STPG1: variants seen among roughly 807,000 people sequenced by gnomAD.
The protein encoded by STPG1 is O(6)-methylguanine-induced apoptosis 2.
A neutral mutation model predicts 40.1 loss-of-function variants in STPG1; 33 were observed. That is an observed-to-expected ratio of 0.82 (90% CI 0.62 to 1.10). The LOEUF (loss-of-function observed/expected upper bound fraction) is 1.10, where lower values mean the gene tolerates loss of function less well. Ranked by LOEUF, STPG1 falls within the 50% of genes least tolerant of loss-of-function variation. STPG1 has a pLI of 0.00. For missense variants in STPG1, 396 were observed against 415.1 expected (o/e 0.95, Z 0.40); for synonymous variants, 150 against 155.0 (o/e 0.97, Z 0.24).
intron 7 of STPG1, among the ~76,000 whole-genome samples, chr1:24,366,045 T>C (rs1641438338): frequency 6.6e-6 from 1 of 152,106 alleles, no homozygotes; most frequent in South Asian, 2.1e-4. Context: ...GACTAAAAAC[T>C]CCAGGGAGAA....
chr1:24,392,761 G>C (rs1436866555), intron 2 of STPG1, among the ~76,000 whole-genome samples: 1 of 152,072 alleles, frequency 6.6e-6, no homozygotes, highest in African/African-American at 2.4e-5. Context: ...GGGTGGGGGG[G>C]TGCATCCTGA....
rs1028783988 is a variant in STPG1 at position 24,399,767 on chromosome 1, T to G, written c.70+1552A>C. ...CAGCAGAAGAAAATGGGCAAAAAAG[T>G]TGAACAGTCACTTCTCCAAAGAGAA... On this transcript the variant is annotated intron_variant, in intron 2 of 8. Coordinates refer to ENST00000337248, the MANE Select transcript of STPG1 (RefSeq NM_001199013.2). This position sits in a 1 kb window ranked among gnomAD's most constrained non-coding sequence, Gnocchi z 4.0. Among the ~76,000 whole-genome samples the G allele has an allele frequency of 6.6e-6, 1 of 151,928 alleles. No homozygotes were observed. Among genetic ancestry groups the G allele is most frequent in the Non-Finnish European group, 1.5e-5 (1 of 67,904 alleles).
chr1:24,358,459 T>C lies in STPG1; in HGVS notation c.*84A>G. On this transcript the variant is annotated 3_prime_UTR_variant, in exon 9 of 9. Coordinates refer to ENST00000337248, the MANE Select transcript of STPG1 (RefSeq NM_001199013.2). ...AAGTTGTCAGCTGCCACACTCATGA[T>C]CGGTCTCCTCCTGAGGAATGTCCTG... is the stretch of plus-strand genomic sequence containing the variant. The C allele has an allele frequency of 2.6e-6, 3 of 1,176,232 alleles. No individual in the cohort carries two copies. Among genetic ancestry groups the C allele is most frequent in the Admixed American group, 1.7e-5 (1 of 59,436 alleles). 72.9% of individuals were successfully genotyped at this position (1,176,232 alleles called of 1,614,324 possible). A position where few individuals can be genotyped will look rare whatever the true frequency, so the allele number is the denominator to read the frequency against.
At position 24,359,661 on chromosome 1, in the gene STPG1, CG is replaced by C. The variant is rs1369019038; in HGVS notation, c.929-1043del. Among the ~76,000 whole-genome samples, 1 of 152,162 alleles carries C rather than the reference CG, an allele frequency of 6.6e-6. No individual in the cohort carries two copies. The highest frequency in any genetic ancestry group is 1.5e-5 in the Non-Finnish European group (1 of 68,016). On this transcript the variant is annotated intron_variant, in intron 8 of 8. Coordinates refer to ENST00000337248, the MANE Select transcript of STPG1 (RefSeq NM_001199013.2). This position sits in a 1 kb window ranked among gnomAD's most constrained non-coding sequence, Gnocchi z 5.3. ...CCCAGGTCATCTTGGCTCCCTCGCA[CG>C]GGAGCATCGTCAACACTCACAGAAA... is the stretch of plus-strand genomic sequence containing the variant.
chr1:24,379,039 C>T (rs375378996), intron 5 of STPG1, among the ~76,000 whole-genome samples: 11 of 152,350 alleles, frequency 7.2e-5, no homozygotes, highest in East Asian at 1.9e-4. Context: ...TTTGCATTAA[C>T]ACGATGAGGT....
At chr1:24,409,350 AC>A (rs1405433505) in intron 1 of STPG1, among the ~76,000 whole-genome samples, 1 of 152,020 alleles carries the variant, frequency 6.6e-6, no homozygotes, top group African/African-American at 2.4e-5. Flanking sequence ...ACAAAGTGAG[AC>A]CCTGTCTCAA....
In STPG1 at chr1:24,358,283, G is replaced by T. The variant is rs1437182240; in HGVS notation, c.*260C>A. On this transcript the variant is annotated 3_prime_UTR_variant, in exon 9 of 9. Coordinates refer to ENST00000337248, the MANE Select transcript of STPG1 (RefSeq NM_001199013.2). ...TGGGTGCGTGGGGAAGCAGCCAGGG[G>T]GCTCTGTCCACTCCTCCCTTCTGCT... 4 of 656,602 alleles carry T rather than the reference G, an allele frequency of 6.1e-6. No homozygotes were observed. The highest frequency in any genetic ancestry group is 2.1e-5 in the Admixed American group (1 of 48,526). The allele number at this position is 656,602 out of a possible 1,614,324, so 40.7% of individuals were successfully genotyped here. A position where few individuals can be genotyped will look rare whatever the true frequency, so the allele number is the denominator to read the frequency against.
rs747689812 is a variant in STPG1 at position 24,379,691 on chromosome 1, C to A, written c.424G>T (p.Ala142Ser). Residue 142 changes from alanine to serine, a missense_variant, in exon 5 of 9, where the codon GCT (alanine) becomes TCT (serine). Physicochemically the swap from Ala to Ser is moderately conservative, Grantham distance 99. Coordinates refer to ENST00000337248, the MANE Select transcript of STPG1 (RefSeq NM_001199013.2). ...GGTGCAGGAGTTTCAAACTTGAGAGCTTTCATAAAGCTTGGCAACTGGAAC... is the reference window on the plus strand; with the variant it reads ...GGTGCAGGAGTTTCAAACTTGAGAGATTTCATAAAGCTTGGCAACTGGAAC... ...SMFQLPSFMK[A>S]LKFETPAPNY... The A allele has an allele frequency of 6.2e-7, 1 of 1,614,160 alleles. No individual in the cohort carries two copies. Among genetic ancestry groups the A allele is most frequent in the South Asian group, 1.1e-5 (1 of 91,082 alleles).
rs767208585 is a variant in STPG1, at chr1:24,369,828, T to C, written c.583A>G (p.Ile195Val). The C allele has an allele frequency of 1.2e-6, 2 of 1,605,880 alleles. No individual in the cohort carries two copies. The highest frequency in any genetic ancestry group is 1.7e-5 in the Admixed American group (1 of 59,104). Residue 195 changes from isoleucine to valine, a missense_variant, in exon 7 of 9, where the codon ATC (isoleucine) becomes GTC (valine). Physicochemically the swap from Ile to Val is conservative, Grantham distance 29. Transcript: ENST00000337248. ...GACTGCTTCACAAGGGATTCGTTGA[T>C]ATCATAATGCCCTAAGGAGAAAGAA... ...DKGPPPGHYDINESLVKQSPN... is the reference protein window; with the variant it reads ...DKGPPPGHYDVNESLVKQSPN...
intron 7 of STPG1, among the ~76,000 whole-genome samples, chr1:24,361,682 C>A (rs1391847091): frequency 1.3e-5 from 2 of 152,136 alleles, no homozygotes; most frequent in Non-Finnish European, 2.9e-5. Flanking sequence ...CTCTGCATAA[C>A]CCTTTACCAC....
intron 7 of STPG1, among the ~76,000 whole-genome samples, chr1:24,363,239 G>A (rs1053731031): frequency 6.6e-6 from 1 of 152,200 alleles, no homozygotes; most frequent in South Asian, 2.1e-4. Context: ...GGCAAGATGG[G>A]TTAGAGAGGT....
chr1:24,391,926 TAA>T, intron 2 of STPG1: 1 of 1,200,520 alleles, frequency 8.3e-7, no homozygotes, highest in African/African-American at 1.6e-5. Context: ...TAAAGTACCT[TAA>T]ACAGGCTGTC....
At chr1:24,361,084 AG>A (rs759978684) in intron 7 of STPG1, 43 bp from the exon 8 acceptor site, 2 of 1,535,950 alleles carry the variant, frequency 1.3e-6, no homozygotes, top group Admixed American at 3.9e-5. Flanking sequence ...AAGGCAGTCT[AG>A]TGGGGAAGGC....
intron 5 of STPG1, among the ~76,000 whole-genome samples, chr1:24,375,607 A>G (rs548448177): frequency 1.1e-4 from 17 of 152,282 alleles, no homozygotes; most frequent in Non-Finnish European, 1.6e-4. Context: ...GAGGACTCGA[A>G]TATACAAGTG....
intron 3 of STPG1, among the ~76,000 whole-genome samples, chr1:24,390,487 C>T (rs564417439): frequency 1.4e-4 from 21 of 152,146 alleles, no homozygotes; most frequent in Admixed American, 2.6e-4. Flanking sequence ...AGTGCGATCT[C>T]GGCTCACTAC....
Position 24,391,662 on chromosome 1 carries a change from G to C in STPG1, c.88C>G (p.Pro30Ala), listed in dbSNP as rs958948077. 20 of 1,547,376 alleles carry C rather than the reference G, an allele frequency of 1.3e-5. No homozygotes were observed. The highest frequency in any genetic ancestry group is 1.7e-5 in the Non-Finnish European group (19 of 1,144,960). The change falls in exon 3 of 9, where the codon CCA (proline) becomes GCA (alanine). Residue 30 changes from proline to alanine, a missense_variant. Physicochemically the swap from Pro to Ala is conservative, Grantham distance 27 (BLOSUM62 -1). Transcript: ENST00000337248. ...EVQKGFTAAY[P>A]TQSSIPFKSQ... ...TTAAAAGGAATGGAGGATTGTGTTG[G>C]ATATGCAGCAGTAAAACCTAAACAA...
In STPG1 at chr1:24,389,752, T is replaced by C. The variant is rs557703211; in HGVS notation, c.189+1809A>G. On this transcript the variant is annotated intron_variant, in intron 3 of 8. Coordinates refer to ENST00000337248, the MANE Select transcript of STPG1 (RefSeq NM_001199013.2). The stretch of plus-strand genomic sequence containing the variant: ...AATATATTATCATTAAATTGACAAA[T>C]GGGAAACCAGACAGAAAATGGGAAA... Among the ~76,000 whole-genome samples, 15 of 152,084 alleles carry C rather than the reference T, an allele frequency of 9.9e-5. No homozygotes were observed. In the South Asian group the frequency reaches 2.5e-3, roughly 25 times the overall value.
At chr1:24,406,159 G>A (rs1210799209) in intron 1 of STPG1, among the ~76,000 whole-genome samples, 1 of 151,846 alleles carries the variant, frequency 6.6e-6, no homozygotes, top group African/African-American at 2.4e-5. Flanking sequence ...TTGAGAGTAA[G>A]TGCATATTAC....
chr1:24,407,747 T>C (rs1409931270), intron 1 of STPG1, among the ~76,000 whole-genome samples: 1 of 152,188 alleles, frequency 6.6e-6, no homozygotes, highest in Non-Finnish European at 1.5e-5. Flanking sequence ...AGTTCACTGA[T>C]CTTCTGAAGT....
Sources: allele counts gnomAD v4.1 joint callset (sites outside exome capture counted in the v4.1 genomes callset), GRCh38; gene constraint gnomAD v4.1.1; non-coding constraint Gnocchi (gnomAD v3.1); transcripts MANE v1.5; gene names NCBI Gene and HGNC (gene_info 2026-07-23, HGNC 2026-07-21).